Variants in PLD1 observed in about 807,000 individuals in gnomAD.
PLD1 encodes the protein phospholipase D1.
Under a neutral mutation model 137.1 loss-of-function variants are expected in PLD1, and 112 were observed. That is an observed-to-expected ratio of 0.82 (90% CI 0.70 to 0.96). The LOEUF (loss-of-function observed/expected upper bound fraction) is 0.96, where lower values mean the gene tolerates loss of function less well. PLD1 is among the 40% of genes least tolerant of loss of function. The probability of loss-of-function intolerance (pLI) is 0.00; values close to 1 mark genes in which losing one functional copy is unlikely to be tolerated. For missense variants in PLD1, 1,321 were observed against 1,342.0 expected, an observed-to-expected ratio of 0.98 and a Z score of 0.24; for synonymous variants, 431 against 454.7, an observed-to-expected ratio of 0.95 and a Z score of 0.66.
At chr3:171,713,441 A>T (rs1717425459) in intron 9 of PLD1, among the ~76,000 whole-genome samples, 1 of 152,224 alleles carries the variant, frequency 6.6e-6, no homozygotes, top group African/African-American at 2.4e-5. Flanking sequence ...GCACCACTGC[A>T]CTCCAGTCTG....
At chr3:171,702,942 T>C (rs1382687424) in intron 11 of PLD1, among the ~76,000 whole-genome samples, 1 of 152,104 alleles carries the variant, frequency 6.6e-6, no homozygotes, top group Non-Finnish European at 1.5e-5. Context: ...AGAACATCCC[T>C]TATGATCACA....
chr3:171,774,843 A>C (rs994264681), intron 1 of PLD1, among the ~76,000 whole-genome samples: 10 of 152,158 alleles, frequency 6.6e-5, no homozygotes, highest in African/African-American at 2.4e-4. Context: ...CAAGCCAAGG[A>C]GTTCACTGAG....
intron 12 of PLD1, among the ~76,000 whole-genome samples, chr3:171,696,475 C>G (rs9290428): frequency 0.5 from 76,545 of 152,078 alleles, 20,248 homozygotes; most frequent in African/African-American, 0.66. Context: ...GTTTGCCATA[C>G]GTTGGCTATA....
intron 23 of PLD1, among the ~76,000 whole-genome samples, chr3:171,639,840 C>CTATATATA (rs1447641286): frequency 8.4e-6 from 1 of 119,638 alleles, no homozygotes; most frequent in African/African-American, 3.6e-5. Flanking sequence ...CTCTCTCTCT[C>CTATATATA]TCTCTCTCTA....
intron 1 of PLD1, among the ~76,000 whole-genome samples, chr3:171,764,606 T>A (rs1721677574): frequency 6.6e-6 from 1 of 151,842 alleles, no homozygotes; most frequent in South Asian, 2.1e-4. Context: ...CAAAAACAAG[T>A]CATTTAATCC....
intron 1 of PLD1, among the ~76,000 whole-genome samples, chr3:171,808,113 T>A (rs1244565364): frequency 6.6e-6 from 1 of 152,102 alleles, no homozygotes; most frequent in Non-Finnish European, 1.5e-5. Flanking sequence ...TAAAAAATTA[T>A]CAGGTACTAT....
chr3:171,785,225 C>T (rs1722961008), intron 1 of PLD1, among the ~76,000 whole-genome samples: 1 of 152,228 alleles, frequency 6.6e-6, no homozygotes, highest in East Asian at 1.9e-4. Context: ...TTCTCTATTC[C>T]GACCGAATAC....
chr3:171,674,493 T>C lies in PLD1; in HGVS notation c.2229+7A>G, dbSNP rs890592905. ...TTTGTCAAAAAGAAAAGCCAGAACT[T>C]ACTTACCTGTACGTTAGCATGGACA... On this transcript the variant is annotated splice_region_variant and intron_variant, in intron 19 of 26. Coordinates refer to ENST00000351298, the MANE Select transcript of PLD1 (RefSeq NM_002662.5). 1.4e-6 allele frequency: 2 copies of C among 1,454,716 alleles called. No homozygotes were observed. Among genetic ancestry groups the C allele is most frequent in the East Asian group, 4.6e-5 (2 of 43,774 alleles). The allele number at this position is 1,454,716 out of a possible 1,614,324, so 90.1% of individuals were successfully genotyped here.
At chr3:171,620,559 C>T in intron 23 of PLD1, 39 bp from the exon 24 acceptor site, 1 of 1,288,450 alleles carries the variant, frequency 7.8e-7, no homozygotes, top group South Asian at 1.3e-5. Context: ...TTAATATGAC[C>T]AAGCTCAATA....
chr3:171,732,170 C>A (rs571927737), intron 6 of PLD1, among the ~76,000 whole-genome samples: 1 of 152,172 alleles, frequency 6.6e-6, no homozygotes, highest in South Asian at 2.1e-4. Flanking sequence ...TCAGACAACA[C>A]AACAGGAGGT....
chr3:171,655,898 AT>A (rs1737149730), intron 21 of PLD1, among the ~76,000 whole-genome samples: 1 of 152,196 alleles, frequency 6.6e-6, no homozygotes, highest in Non-Finnish European at 1.5e-5. Context: ...CTATTGAGAG[AT>A]CAGAGCTAAA....
chr3:171,762,936 A>G lies in PLD1; in HGVS notation c.-31-24854T>C, dbSNP rs200139494. Among the ~76,000 whole-genome samples the G allele has an allele frequency of 1.8e-4, 27 of 152,332 alleles. No individual in the cohort carries two copies. The East Asian group carries it at 4.2e-3, about 24-fold the overall frequency. ...AACAAGAAAACTAGTTGCCTTAAGT[A>G]AGCAATTTTACTTCCTGATTACATA... On this transcript the variant is annotated intron_variant, in intron 1 of 26. Transcript: ENST00000351298.
chr3:171,646,453 C>G (rs1490144288), intron 21 of PLD1, among the ~76,000 whole-genome samples: 1 of 152,114 alleles, frequency 6.6e-6, no homozygotes, highest in Non-Finnish European at 1.5e-5. Flanking sequence ...GCAGAAATGA[C>G]TACCAACAAT....
intron 13 of PLD1, among the ~76,000 whole-genome samples, chr3:171,691,530 A>T (rs1394462486): frequency 6.6e-6 from 1 of 152,164 alleles, no homozygotes; most frequent in Non-Finnish European, 1.5e-5. Flanking sequence ...AAGTTGTAAC[A>T]TTCTAATTTG....
chr3:171,684,841 C>G (rs1445319172), intron 16 of PLD1, among the ~76,000 whole-genome samples: 2 of 152,224 alleles, frequency 1.3e-5, no homozygotes, highest in Non-Finnish European at 2.9e-5. Flanking sequence ...CCTGCTTCAG[C>G]CTCCCAAATT....
At chr3:171,652,659 T>C (rs531624722) in intron 21 of PLD1, among the ~76,000 whole-genome samples, 7 of 151,718 alleles carry the variant, frequency 4.6e-5, no homozygotes, top group African/African-American at 1.5e-4. Flanking sequence ...TGGAGTGCAG[T>C]GGTGCAATCA....
chr3:171,628,723 A>G (rs1429484252), intron 23 of PLD1, among the ~76,000 whole-genome samples: 2 of 151,428 alleles, frequency 1.3e-5, no homozygotes, highest in African/African-American at 4.8e-5. Flanking sequence ...AAATCAATAA[A>G]TGTAATCCAG....
intron 6 of PLD1, among the ~76,000 whole-genome samples, chr3:171,732,965 T>C (rs1042991537): frequency 6.6e-6 from 1 of 152,226 alleles, no homozygotes; most frequent in African/African-American, 2.4e-5. Flanking sequence ...GCTTTTCTCA[T>C]GCTTCTCACT....
chr3:171,618,720 ATG>A (rs199668732), intron 24 of PLD1, among the ~76,000 whole-genome samples: 28,458 of 140,556 alleles, frequency 0.2, 2,757 homozygotes, highest in South Asian at 0.29. Flanking sequence ...AAAAGTGTGT[ATG>A]TGTGTGTGTG....
Sources: allele counts gnomAD v4.1 joint callset (sites outside exome capture counted in the v4.1 genomes callset), GRCh38; gene constraint gnomAD v4.1.1; transcripts MANE v1.5; gene names NCBI Gene and HGNC (gene_info 2026-07-23, HGNC 2026-07-21).